The following ZNF654 variants were observed in gnomAD, a reference collection of about 807,000 sequenced individuals.
ZNF654 encodes the protein melanoma-associated antigen.
In ZNF654, 19 loss-of-function variants were observed where a neutral mutation model predicts 95.3. The ratio of observed to expected loss-of-function variants is 0.20; its 90% CI spans 0.14 to 0.29. The LOEUF is 0.29. Among genes scored for constraint, ZNF654 ranks in the 10% least tolerant of loss-of-function variants. ZNF654 has a pLI of 1.00. For missense variants in ZNF654, 1,046 were observed against 1,341.0 expected, an observed-to-expected ratio of 0.78 and a Z score of 3.44; for synonymous variants, 413 against 457.9, an observed-to-expected ratio of 0.90 and a Z score of 1.25.
At chr3:88,073,058 T>C (rs1707606449) in intron 1 of ZNF654, among the ~76,000 whole-genome samples, 1 of 152,174 alleles carries the variant, frequency 6.6e-6, no homozygotes, top group Non-Finnish European at 1.5e-5. Flanking sequence ...TGTGAAAAGA[T>C]GGATGGCATG....
intron 2 of ZNF654, among the ~76,000 whole-genome samples, chr3:88,109,179 G>GTGTGTGTGTA (rs1453735950): frequency 6.7e-6 from 1 of 150,284 alleles, no homozygotes; most frequent in Non-Finnish European, 1.5e-5. Flanking sequence ...GTGTGTGTGT[G>GTGTGTGTGTA]TATGAAGAAA....
chr3:88,103,089 G>C (rs1435371245), intron 2 of ZNF654, among the ~76,000 whole-genome samples: 1 of 152,026 alleles, frequency 6.6e-6, no homozygotes, highest in Non-Finnish European at 1.5e-5. Flanking sequence ...TTGGTTTTCT[G>C]TTCATGCGTT....
intron 6 of ZNF654, among the ~76,000 whole-genome samples, chr3:88,132,827 C>T (rs1706545225): frequency 6.6e-6 from 1 of 152,116 alleles, no homozygotes; most frequent in African/African-American, 2.4e-5. Flanking sequence ...AAATAGATAA[C>T]AGTCATACAG....
intron 1 of ZNF654, among the ~76,000 whole-genome samples, chr3:88,075,173 C>T (rs545801804): frequency 5.9e-5 from 9 of 152,194 alleles, no homozygotes; most frequent in South Asian, 2.1e-4. Context: ...TCCTGGCACT[C>T]CTTGTGCTGA....
In ZNF654 at chr3:88,142,685, TAGG is replaced by T. The variant is rs1262282874; in HGVS notation, c.*1036_*1038del. Reference sequence around the variant, plus strand: ...TGAGAAATCATTCATTTTATTCTATTAGGAGAGGTAATTCCAAAATAAGCCATA... The same window carrying T: ...TGAGAAATCATTCATTTTATTCTATTAGAGGTAATTCCAAAATAAGCCATA... On this transcript the variant is annotated 3_prime_UTR_variant, in exon 9 of 9. Coordinates refer to ENST00000636215, the MANE Select transcript of ZNF654 (RefSeq NM_001350134.2). 2.6e-5 allele frequency: 4 copies of T among 152,410 alleles called. No homozygotes were observed. The highest frequency in any genetic ancestry group is 4.4e-5 in the Non-Finnish European group (3 of 67,794). 9.4% of individuals were successfully genotyped at this position (152,410 alleles called of 1,614,324 possible).
chr3:88,065,186 G>C (rs1328029504), intron 1 of ZNF654, among the ~76,000 whole-genome samples: 1 of 152,140 alleles, frequency 6.6e-6, no homozygotes, highest in Non-Finnish European at 1.5e-5. Flanking sequence ...GAATTCCCTG[G>C]AAAGACATCA....
chr3:88,097,992 C>CT (rs1051277395), intron 2 of ZNF654, among the ~76,000 whole-genome samples: 6 of 152,062 alleles, frequency 3.9e-5, no homozygotes, highest in African/African-American at 1.4e-4. Flanking sequence ...CAGAGCAGAA[C>CT]TGAAGGAGAT....
chr3:88,068,743 C>T (rs1707339105), intron 1 of ZNF654, among the ~76,000 whole-genome samples: 1 of 152,100 alleles, frequency 6.6e-6, no homozygotes, highest in Non-Finnish European at 1.5e-5. Flanking sequence ...ATCCACTACC[C>T]TACAAGCTAT....
rs1707050161 is a variant in ZNF654, at chr3:88,140,433, A to G, written c.2764A>G (p.Thr922Ala). ...VSTSKSRKES[T>A]EPKTCIESME... ...TACTAGCAAATCAAGGAAAGAGTCTACAGAACCAAAGACATGTATAGAAAG... is the reference window on the plus strand; with the variant it reads ...TACTAGCAAATCAAGGAAAGAGTCTGCAGAACCAAAGACATGTATAGAAAG... The change falls in exon 8 of 9, where the codon ACA (threonine) becomes GCA (alanine). Residue 922 changes from threonine to alanine, a missense_variant. Thr to Ala is a moderately conservative substitution (Grantham distance 58). Around this residue, in one of 9 missense-constraint regions of ZNF654, gnomAD observed 495 missense variants for 537.0 expected, o/e 0.92. Transcript: ENST00000636215. 8 of 1,613,628 alleles carry G rather than the reference A, an allele frequency of 5.0e-6. No individual in the cohort carries two copies. The highest frequency in any genetic ancestry group is 6.8e-6 in the Non-Finnish European group (8 of 1,179,726).
At chr3:88,127,306 A>T (rs1167528291) in intron 4 of ZNF654, among the ~76,000 whole-genome samples, 9 of 152,114 alleles carry the variant, frequency 5.9e-5, no homozygotes, top group Non-Finnish European at 1.3e-4. Context: ...GAATGCAGTT[A>T]AGTGGAGGAG....
rs1707147873 is a variant in ZNF654 at position 88,141,792 on chromosome 3, C to T, written c.*140C>T. 1.7e-6 allele frequency: 1 copy of T among 573,684 alleles called. No individual in the cohort carries two copies. The highest frequency in any genetic ancestry group is 2.8e-6 in the Non-Finnish European group (1 of 355,126). 35.5% of individuals were successfully genotyped at this position (573,684 alleles called of 1,614,324 possible). On this transcript the variant is annotated 3_prime_UTR_variant, in exon 9 of 9. Coordinates refer to ENST00000636215, the MANE Select transcript of ZNF654 (RefSeq NM_001350134.2). ...GATTACTAAAGATAAAGACAAAGCA[C>T]ATTTTCTAGAATGAACTCACAGAGA...
intron 1 of ZNF654, among the ~76,000 whole-genome samples, chr3:88,081,799 G>A (rs1455687479): frequency 1.3e-5 from 2 of 152,074 alleles, no homozygotes; most frequent in Admixed American, 1.3e-4. Context: ...CCTTTTATTG[G>A]AGAATGGTAT....
Position 88,095,313 on chromosome 3 carries a change from A to G in ZNF654, c.332+8911A>G, listed in dbSNP as rs546502982. 1.1e-4 allele frequency: 23 copies of G among 216,820 alleles called. No individual in the cohort carries two copies. The South Asian group carries it at 1.6e-3, about 15-fold the overall frequency. The allele number at this position is 216,820 out of a possible 1,614,324, so 13.4% of individuals were successfully genotyped here. A position where few individuals can be genotyped will look rare whatever the true frequency, so the allele number is the denominator to read the frequency against. On this transcript the variant is annotated intron_variant, in intron 2 of 8. Coordinates refer to ENST00000636215, the MANE Select transcript of ZNF654 (RefSeq NM_001350134.2). ...GCACAGTGATAAGCATATTTTATCA[A>G]GGATATGTTTAGGATAGAAAGGGGT...
At position 88,139,325 on chromosome 3, in the gene ZNF654, G is replaced by C. The variant is rs1390635839; in HGVS notation, c.1656G>C (p.Lys552Asn). The part of the protein sequence containing the change: ...VPRHRCMLCN[K>N]EFLGGHIVRH... Reference sequence around the variant, plus strand: ...GGCATCGTTGTATGTTATGTAACAAGGAATTTTTAGGTGGTCACATTGTAA... The same window carrying C: ...GGCATCGTTGTATGTTATGTAACAACGAATTTTTAGGTGGTCACATTGTAA... Residue 552 changes from lysine to asparagine, a missense_variant, in exon 8 of 9, where the codon AAG (lysine) becomes AAC (asparagine). By Grantham distance (94) the Lys-to-Asn change is moderately conservative. Coordinates refer to ENST00000636215, the MANE Select transcript of ZNF654 (RefSeq NM_001350134.2). The C allele has an allele frequency of 6.2e-7, 1 of 1,604,046 alleles. No homozygotes were observed. Among genetic ancestry groups the C allele is most frequent in the South Asian group, 1.1e-5 (1 of 89,188 alleles).
intron 1 of ZNF654, 49 bp downstream of exon 1, chr3:88,059,554 C>T (rs2107570969): frequency 1.4e-6 from 2 of 1,448,040 alleles, no homozygotes; most frequent in Non-Finnish European, 1.8e-6. Context: ...TCCTGGGCCT[C>T]TCTGCGTCTC....
intron 8 of ZNF654, 43 bp downstream of exon 8, chr3:88,141,091 A>G: frequency 1.3e-6 from 2 of 1,528,096 alleles, no homozygotes; most frequent in Non-Finnish European, 1.7e-6. Context: ...GTAGAAAGAG[A>G]AAATGGCATA....
chr3:88,123,231 A>G (rs1705888386), intron 3 of ZNF654, among the ~76,000 whole-genome samples: 1 of 152,160 alleles, frequency 6.6e-6, no homozygotes, highest in Non-Finnish European at 1.5e-5. Flanking sequence ...GTCTTTTTAA[A>G]TAGACCAAAA....
At chr3:88,107,849 G>A (rs1553696985) in intron 2 of ZNF654, among the ~76,000 whole-genome samples, 1 of 151,952 alleles carries the variant, frequency 6.6e-6, no homozygotes, top group Non-Finnish European at 1.5e-5. Context: ...TATTTTCAAT[G>A]TCATCATTTC....
Position 88,063,735 on chromosome 3 carries a change from G to A in ZNF654, c.186+4230G>A, listed in dbSNP as rs141598716. ...TGACTTAAGTGGTTCAAACAAGGTG[G>A]GCATTTATTATGTAAAAAAATCTTG... On this transcript the variant is annotated intron_variant, in intron 1 of 8. Coordinates refer to ENST00000636215, the MANE Select transcript of ZNF654 (RefSeq NM_001350134.2). 1.6e-3 allele frequency among the ~76,000 whole-genome samples: 236 copies of A among 152,224 alleles called. 2 individuals carry two copies. Among genetic ancestry groups the A allele is most frequent in the East Asian group, 9.9e-3 (51 of 5,176 alleles).
Sources: allele counts gnomAD v4.1 joint callset (sites outside exome capture counted in the v4.1 genomes callset), GRCh38; gene constraint gnomAD v4.1.1; regional missense constraint gnomAD v4.1.1; transcripts MANE v1.5; gene names NCBI Gene and HGNC (gene_info 2026-07-23, HGNC 2026-07-21).